The following CACNA2D4 variants were observed in gnomAD, a reference collection of about 807,000 sequenced individuals.
The protein encoded by CACNA2D4 is voltage-dependent calcium channel subunit alpha-2/delta-4.
Under a neutral mutation model 163.8 loss-of-function variants are expected in CACNA2D4, and 157 were observed. The ratio of observed to expected loss-of-function variants is 0.96; its 90% CI spans 0.84 to 1.09. The LOEUF is 1.09. Among genes scored for constraint, CACNA2D4 ranks in the 50% least tolerant of loss-of-function variants. CACNA2D4 has a pLI of 0.00. For missense variants in CACNA2D4, 1,410 were observed against 1,479.9 expected (o/e 0.95, Z 0.78); for synonymous variants, 598 against 586.9 (o/e 1.02, Z -0.27).
chr12:1,848,939 ATCATCCACCTTTGGCCAGTGAGGGCCTCC>A (rs1471488176), intron 23 of CACNA2D4, among the ~76,000 whole-genome samples: 1 of 152,124 alleles, frequency 6.6e-6, no homozygotes, highest in Non-Finnish European at 1.5e-5. Context: ...TGCTGCTCTG[ATCATCCACCTTTGGCCAGTGAGGGCCTCC>A]TCCAGCTGGC....
intron 18 of CACNA2D4, among the ~76,000 whole-genome samples, chr12:1,864,015 G>T (rs920618590): frequency 1.4e-4 from 21 of 152,230 alleles, no homozygotes; most frequent in Non-Finnish European, 2.6e-4. Context: ...GAACGTGGCC[G>T]CCAGCCGTGA....
At chr12:1,825,811 G>A (rs1864291650) in intron 26 of CACNA2D4, among the ~76,000 whole-genome samples, 1 of 149,634 alleles carries the variant, frequency 6.7e-6, no homozygotes, top group Non-Finnish European at 1.5e-5. Flanking sequence ...TGAGCAGCCT[G>A]CAGCCTGGCT....
At chr12:1,804,121 C>CTGTGTGTGTGTGTGTGTGTGTG (rs57706301) in intron 29 of CACNA2D4, among the ~76,000 whole-genome samples, 4 of 139,076 alleles carry the variant, frequency 2.9e-5, no homozygotes, top group Non-Finnish European at 6.3e-5. Flanking sequence ...ATTCTAGTTA[C>CTGTGTGTGTGTGTGTGTGTGTG]TGTGTGTGTG....
intron 11 of CACNA2D4, 57 bp downstream of exon 11, chr12:1,884,710 TC>T (rs1217116326): frequency 8.8e-5 from 100 of 1,133,082 alleles, no homozygotes; most frequent in South Asian, 1.3e-5. Context: ...CTGCTGGTGA[TC>T]CCATCCATGG....
chr12:1,861,616 T>G (rs1270554588), intron 18 of CACNA2D4, among the ~76,000 whole-genome samples: 2 of 151,982 alleles, frequency 1.3e-5, no homozygotes, highest in East Asian at 3.9e-4. Context: ...TTAATTTTTG[T>G]ATTATTAGTA....
intron 26 of CACNA2D4, among the ~76,000 whole-genome samples, chr12:1,818,062 T>C (rs1863942036): frequency 7.0e-6 from 1 of 143,818 alleles, no homozygotes; most frequent in African/African-American, 2.7e-5. Context: ...CGGCCGCCCA[T>C]CGTCTGAGAT....
chr12:1,859,607 C>T (rs1243281437), intron 19 of CACNA2D4, among the ~76,000 whole-genome samples: 1 of 152,228 alleles, frequency 6.6e-6, no homozygotes, highest in Non-Finnish European at 1.5e-5. Context: ...ATCACTTAAT[C>T]TTCACAACAT....
At chr12:1,795,646 A>T (rs757743093) in intron 36 of CACNA2D4, 22 bp downstream of exon 36, 1 of 1,518,488 alleles carries the variant, frequency 6.6e-7, no homozygotes, top group South Asian at 1.1e-5. Context: ...CACCGCACAC[A>T]TCCCCGAGCA....
intron 20 of CACNA2D4, among the ~76,000 whole-genome samples, chr12:1,856,789 G>A (rs1224760094): frequency 6.6e-6 from 1 of 152,186 alleles, no homozygotes; most frequent in Non-Finnish European, 1.5e-5. Context: ...CTGAAAGAAC[G>A]ATGAGCTGAT....
At position 1,831,216 on chromosome 12, in the gene CACNA2D4, A is replaced by G. The variant is rs143277357; in HGVS notation, c.2551+9523T>C. The G allele has an allele frequency of 1.6e-4, 265 of 1,613,832 alleles. No individual in the cohort carries two copies. The highest frequency in any genetic ancestry group is 2.1e-4 in the Non-Finnish European group (247 of 1,180,010). ...CCGCTCCATTTTCGGGGACCTGACG[A>G]ATCTGACTGAGCTTCAGCTGCGCAA... On this transcript the variant is annotated intron_variant, in intron 26 of 37. Coordinates refer to ENST00000382722, the MANE Select transcript of CACNA2D4 (RefSeq NM_172364.5).
intron 13 of CACNA2D4, among the ~76,000 whole-genome samples, chr12:1,882,132 G>A (rs1391579961): frequency 1.3e-5 from 2 of 152,242 alleles, no homozygotes; most frequent in African/African-American, 4.8e-5. Flanking sequence ...TCCTGAGCAT[G>A]AGGATGAGGG....
At chr12:1,915,172 C>A (rs1259148961) in intron 1 of CACNA2D4, 3 of 702,732 alleles carry the variant, frequency 4.3e-6, no homozygotes, top group Non-Finnish European at 7.8e-6. Flanking sequence ...GACATATGCC[C>A]AGAAACACAC....
At chr12:1,848,408 C>A (rs902648079) in intron 23 of CACNA2D4, among the ~76,000 whole-genome samples, 35 of 152,222 alleles carry the variant, frequency 2.3e-4, no homozygotes, top group South Asian at 2.1e-4. Flanking sequence ...GGCCGTGAGA[C>A]CTCAGGGCCT....
At position 1,813,972 on chromosome 12, in the gene CACNA2D4, C is replaced by T. The variant is rs533333389; in HGVS notation, c.2552-2249G>A. 2.0e-5 allele frequency among the ~76,000 whole-genome samples: 3 copies of T among 152,258 alleles called. No individual in the cohort carries two copies. The South Asian group carries it at 6.2e-4, about 32-fold the overall frequency. On this transcript the variant is annotated intron_variant, in intron 26 of 37. Transcript: ENST00000382722. The stretch of plus-strand genomic sequence containing the variant: ...TTCTCCTTCTTTTCCCTTATAAGAC[C>T]ACCCTAGACATTCATTTTAGACAGA...
intron 1 of CACNA2D4, among the ~76,000 whole-genome samples, chr12:1,916,916 G>A (rs1381471590): frequency 6.6e-6 from 1 of 152,192 alleles, no homozygotes; most frequent in African/African-American, 2.4e-5. Context: ...CAGGGCTTCT[G>A]CATAGATGGC....
chr12:1,800,165 C>G (rs1298329352), intron 32 of CACNA2D4, 113 bp from the exon 33 acceptor site: 5 of 1,126,552 alleles, frequency 4.4e-6, no homozygotes, highest in Non-Finnish European at 5.2e-6. Flanking sequence ...TCCAGGACAC[C>G]CTCTTCCCTG....
In CACNA2D4 at chr12:1,797,557, C is replaced by T. The variant is rs1863172457; in HGVS notation, c.2996-22G>A. The T allele has an allele frequency of 3.3e-6, 5 of 1,535,348 alleles. No homozygotes were observed. In the East Asian group the frequency reaches 1.2e-4, roughly 37 times the overall value. On this transcript the variant is annotated intron_variant, in intron 34 of 37. Transcript: ENST00000382722. ...TGGGCTGCGGGCGGAGAAAGGACAT[C>T]ACGCCACCGAAGGGGCCTCTGGCCT...
chr12:1,860,479 A>G (rs28702527), intron 18 of CACNA2D4, among the ~76,000 whole-genome samples: 44,169 of 152,272 alleles, frequency 0.29, 7,798 homozygotes, highest in African/African-American at 0.48. Context: ...CCTAAGCAGC[A>G]CTGAGCACTT....
rs746064896 is a variant in CACNA2D4, at chr12:1,833,187, C to T, written c.2551+7552G>A. The stretch of plus-strand genomic sequence containing the variant: ...AAACAAAATCCTGGAATATTTCCAT[C>T]GGCATCCCAGGGAAAGATTGATGCC... On this transcript the variant is annotated intron_variant, in intron 26 of 37. Coordinates refer to ENST00000382722, the MANE Select transcript of CACNA2D4 (RefSeq NM_172364.5). This position sits in a 1 kb window ranked among gnomAD's most constrained non-coding sequence, Gnocchi z 4.2. Among the ~76,000 whole-genome samples, 4 of 152,208 alleles carry T rather than the reference C, an allele frequency of 2.6e-5. No homozygotes were observed. The highest frequency in any genetic ancestry group is 5.9e-5 in the Non-Finnish European group (4 of 68,044).
Sources: allele counts gnomAD v4.1 joint callset (sites outside exome capture counted in the v4.1 genomes callset), GRCh38; gene constraint gnomAD v4.1.1; non-coding constraint Gnocchi (gnomAD v3.1); transcripts MANE v1.5; gene names NCBI Gene and HGNC (gene_info 2026-07-23, HGNC 2026-07-21).